Variants in ERBB4 observed in about 807,000 individuals in gnomAD.
ERBB4 encodes the protein receptor tyrosine-protein kinase erbB-4.
ERBB4 carries 42 observed loss-of-function variants against 158.0 expected under a neutral mutation model. The observed-to-expected ratio is 0.27, with a 90% CI of 0.21 to 0.34. The LOEUF (loss-of-function observed/expected upper bound fraction) is 0.34, where lower values mean the gene tolerates loss of function less well. Ranked by LOEUF, ERBB4 falls within the 10% of genes least tolerant of loss-of-function variation. The pLI is 1.00. For synonymous variants in ERBB4, 583 were observed against 558.7 expected (o/e 1.04, Z -0.61); for missense variants, 1,333 against 1,624.1 (o/e 0.82, Z 3.08).
intron 17 of ERBB4, among the ~76,000 whole-genome samples, chr2:211,624,812 G>A (rs2069772998): frequency 6.6e-6 from 1 of 152,090 alleles, no homozygotes; most frequent in African/African-American, 2.4e-5. Flanking sequence ...TATTGGGAGG[G>A]CCACTGTGAA....
At chr2:212,028,943 C>T (rs1171493073) in intron 2 of ERBB4, among the ~76,000 whole-genome samples, 1 of 152,026 alleles carries the variant, frequency 6.6e-6, no homozygotes, top group East Asian at 1.9e-4. Context: ...TTAGACACCA[C>T]ACCAAATTGA....
chr2:211,647,544 C>CCCAT (rs1172573399), intron 16 of ERBB4, among the ~76,000 whole-genome samples: 2 of 151,556 alleles, frequency 1.3e-5, no homozygotes, highest in African/African-American at 4.8e-5. Flanking sequence ...TAATGTTACC[C>CCCAT]CCATCCATCC....
chr2:211,861,130 A>ATTT (rs1559586080), intron 3 of ERBB4, among the ~76,000 whole-genome samples: 1 of 29,066 alleles, frequency 3.4e-5, no homozygotes, highest in African/African-American at 1.4e-4. Flanking sequence ...TATTTTATAT[A>ATTT]TATATATATA....
At position 211,673,517 on chromosome 2, in the gene ERBB4, C is replaced by CAAAAAAAA. The variant is rs71054125; in HGVS notation, c.1623-268_1623-261dup. Reference sequence around the variant, plus strand: ...CCTGCAAGACATATTCCAGCAATCTCAAAAAAAAAAAAAGCTACAAAGTAT... The same window carrying CAAAAAAAA: ...CCTGCAAGACATATTCCAGCAATCTCAAAAAAAAAAAAAAAAAAAAAGCTACAAAGTAT... On this transcript the variant is annotated intron_variant, in intron 13 of 27. Coordinates refer to ENST00000342788, the MANE Select transcript of ERBB4 (RefSeq NM_005235.3). Among the ~76,000 whole-genome samples the CAAAAAAAA allele has an allele frequency of 2.4e-4, 13 of 54,106 alleles. 4 individuals carry two copies. Among genetic ancestry groups the CAAAAAAAA allele is most frequent in the Admixed American group, 5.7e-4 (3 of 5,218 alleles). The allele number at this position is 54,106 out of a possible 152,430, so 35.5% of individuals were successfully genotyped here.
chr2:211,574,316 T>C (rs1033381699), intron 19 of ERBB4, among the ~76,000 whole-genome samples: 3 of 152,154 alleles, frequency 2.0e-5, no homozygotes, highest in Non-Finnish European at 4.4e-5. Flanking sequence ...CATCTCAACA[T>C]ATAACCATGA....
At chr2:211,434,243 C>CCAT (rs2063803397) in intron 20 of ERBB4, among the ~76,000 whole-genome samples, 1 of 152,082 alleles carries the variant, frequency 6.6e-6, no homozygotes, top group Admixed American at 6.6e-5. Context: ...AAATTTAAAA[C>CCAT]TCTGCTATGA....
At chr2:212,220,165 G>A (rs1444525604) in intron 1 of ERBB4, among the ~76,000 whole-genome samples, 2 of 151,290 alleles carry the variant, frequency 1.3e-5, no homozygotes, top group East Asian at 3.9e-4. Context: ...ATAATGCAAA[G>A]TCCTCAGGCA....
chr2:211,943,696 G>A (rs2080571499), intron 3 of ERBB4, among the ~76,000 whole-genome samples: 1 of 152,050 alleles, frequency 6.6e-6, no homozygotes, highest in African/African-American at 2.4e-5. Context: ...TGTGCATAAT[G>A]AGAAATGTGA....
chr2:211,932,026 G>A (rs2080191192), intron 3 of ERBB4, among the ~76,000 whole-genome samples: 1 of 152,022 alleles, frequency 6.6e-6, no homozygotes, highest in Admixed American at 6.6e-5. Context: ...GTTGCAGTGC[G>A]AGTATTAAGT....
intron 1 of ERBB4, among the ~76,000 whole-genome samples, chr2:212,295,019 T>C (rs890232352): frequency 5.9e-5 from 9 of 152,036 alleles, no homozygotes; most frequent in Non-Finnish European, 1.0e-4. Context: ...TGAGGCAGCA[T>C]AGGGAGAACC....
chr2:212,140,778 A>G (rs2080436245), intron 1 of ERBB4, among the ~76,000 whole-genome samples: 1 of 151,500 alleles, frequency 6.6e-6, no homozygotes, highest in Non-Finnish European at 1.5e-5. Flanking sequence ...TGATCTACTC[A>G]TCTATAAAGT....
chr2:211,515,860 G>A (rs1438371542), intron 20 of ERBB4, among the ~76,000 whole-genome samples: 1 of 143,860 alleles, frequency 7.0e-6, no homozygotes. Flanking sequence ...AGTCTTTGAG[G>A]TAGTGACTGT....
chr2:212,534,187 G>T (rs558363811), intron 1 of ERBB4, among the ~76,000 whole-genome samples: 2 of 152,018 alleles, frequency 1.3e-5, no homozygotes, highest in Non-Finnish European at 2.9e-5. Flanking sequence ...AAATAATACC[G>T]CTTTAAAGCA....
At chr2:211,590,652 T>G (rs1402086647) in intron 19 of ERBB4, among the ~76,000 whole-genome samples, 1 of 152,078 alleles carries the variant, frequency 6.6e-6, no homozygotes, top group Non-Finnish European at 1.5e-5. Flanking sequence ...CTTTATAAAC[T>G]TTGATCTCCG....
At chr2:211,917,638 T>C (rs1229598916) in intron 3 of ERBB4, among the ~76,000 whole-genome samples, 2 of 152,142 alleles carry the variant, frequency 1.3e-5, no homozygotes, top group Non-Finnish European at 2.9e-5. Flanking sequence ...ATCTATACAG[T>C]ATAGTGCTAA....
chr2:212,105,992 G>A (rs149803397), intron 2 of ERBB4, among the ~76,000 whole-genome samples: 1 of 152,294 alleles, frequency 6.6e-6, no homozygotes, highest in African/African-American at 2.4e-5. Flanking sequence ...ACATGGAACT[G>A]TGAGTCCATT....
intron 1 of ERBB4, among the ~76,000 whole-genome samples, chr2:212,458,737 G>A (rs1688426958): frequency 6.6e-6 from 1 of 152,098 alleles, no homozygotes; most frequent in African/African-American, 2.4e-5. Context: ...AACTACTGTG[G>A]GCAACAAATA....
At chr2:212,012,889 T>C (rs571593665) in intron 2 of ERBB4, among the ~76,000 whole-genome samples, 54 of 152,010 alleles carry the variant, frequency 3.6e-4, no homozygotes, top group Admixed American at 3.1e-3. Context: ...GGACCACAGA[T>C]GCATGTCACC....
At position 211,383,206 on chromosome 2, in the gene ERBB4, A is replaced by G. The variant is rs935465590; in HGVS notation, c.*409T>C. The G allele has an allele frequency of 1.1e-5, 3 of 271,246 alleles. No homozygotes were observed. The highest frequency in any genetic ancestry group is 6.6e-5 in the African/African-American group (3 of 45,290). The allele number at this position is 271,246 out of a possible 1,614,324, so 16.8% of individuals were successfully genotyped here. A position where few individuals can be genotyped will look rare whatever the true frequency, so the allele number is the denominator to read the frequency against. On this transcript the variant is annotated 3_prime_UTR_variant, in exon 28 of 28. Coordinates refer to ENST00000342788, the MANE Select transcript of ERBB4 (RefSeq NM_005235.3). ...TATGCACACATCAGTTCCTGCAGAT[A>G]GGAACAGATAGCATGGGTGTTTCAA...
Sources: gnomAD v4.1 joint callset for allele counts (sites outside exome capture counted in the v4.1 genomes callset) on GRCh38, gnomAD v4.1.1 for gene constraint, MANE v1.5 for transcripts, NCBI Gene and HGNC (gene_info 2026-07-23, HGNC 2026-07-21) for gene names.